The following ZKSCAN1 variants were observed in gnomAD, a reference collection of about 807,000 sequenced individuals.
ZKSCAN1 encodes the protein zinc finger with KRAB and SCAN domains 1, also known as zinc finger protein with KRAB and SCAN domains 1.
ZKSCAN1 carries 14 observed loss-of-function variants against 51.6 expected under a neutral mutation model. That is an observed-to-expected ratio of 0.27 (90% confidence interval 0.18 to 0.42). The LOEUF is 0.42. ZKSCAN1 is among the 10% of genes least tolerant of loss of function. The probability of loss-of-function intolerance (pLI) is 1.00; values close to 1 mark genes in which losing one functional copy is unlikely to be tolerated. For synonymous variants in ZKSCAN1, 263 were observed against 261.5 expected, an observed-to-expected ratio of 1.01 and a Z score of -0.06; for missense variants, 531 against 710.0, an observed-to-expected ratio of 0.75 and a Z score of 2.86.
Position 100,036,966 on chromosome 7 carries a change from GA to G in ZKSCAN1, c.*2770del. On this transcript the variant is annotated 3_prime_UTR_variant, in exon 6 of 6. Coordinates refer to ENST00000324306, the MANE Select transcript of ZKSCAN1 (RefSeq NM_003439.4). ...TTCCGTTTCATGGAGACATCTTCCT[GA>G]CTTTGTTGGATAGCTGCCACTAGGG... 3.0e-6 allele frequency: 3 copies of G among 985,228 alleles called. No homozygotes were observed. Among genetic ancestry groups the G allele is most frequent in the Non-Finnish European group, 3.6e-6 (3 of 829,912 alleles). The allele number at this position is 985,228 out of a possible 1,614,324, so 61.0% of individuals were successfully genotyped here.
chr7:100,041,614 G>A lies in ZKSCAN1; in HGVS notation c.*7417G>A. 1.0e-6 allele frequency: 1 copy of A among 985,274 alleles called. No homozygotes were observed. The highest frequency in any genetic ancestry group is 1.2e-6 in the Non-Finnish European group (1 of 829,898). The allele number at this position is 985,274 out of a possible 1,614,324, so 61.0% of individuals were successfully genotyped here. On this transcript the variant is annotated 3_prime_UTR_variant, in exon 6 of 6. Transcript: ENST00000324306. Reference sequence around the variant, plus strand: ...GTGAGGTTGAGGAAGGAAATTGTGGGGATTTGAAATATTCTCTTTATGTTG... The same window carrying A: ...GTGAGGTTGAGGAAGGAAATTGTGGAGATTTGAAATATTCTCTTTATGTTG...
intron 1 of ZKSCAN1, among the ~76,000 whole-genome samples, chr7:100,018,591 T>C (rs1790472813): frequency 6.6e-6 from 1 of 152,102 alleles, no homozygotes; most frequent in Non-Finnish European, 1.5e-5. Context: ...GGTTTCATCG[T>C]GTTACCAGGA....
Position 100,038,877 on chromosome 7 carries a change from C to T in ZKSCAN1, c.*4680C>T. ...GGGCGTGGTGGCGGGCGCCTGTAGT[C>T]CCAGCTACTCAGGAGGCTGAGGCAG... is the stretch of plus-strand genomic sequence containing the variant. On this transcript the variant is annotated 3_prime_UTR_variant, in exon 6 of 6. Coordinates refer to ENST00000324306, the MANE Select transcript of ZKSCAN1 (RefSeq NM_003439.4). 6.8e-6 allele frequency: 2 copies of T among 295,386 alleles called. No individual in the cohort carries two copies. The highest frequency in any genetic ancestry group is 1.0e-5 in the Non-Finnish European group (2 of 199,524). 18.3% of individuals were successfully genotyped at this position (295,386 alleles called of 1,614,324 possible).
rs1250859059 is a variant in ZKSCAN1, at chr7:100,037,946, C to T, written c.*3749C>T. The T allele has an allele frequency of 1.0e-5, 9 of 884,790 alleles. No homozygotes were observed. The highest frequency in any genetic ancestry group is 5.2e-5 in the South Asian group (1 of 19,206). The allele number at this position is 884,790 out of a possible 1,614,324, so 54.8% of individuals were successfully genotyped here. A position where few individuals can be genotyped will look rare whatever the true frequency, so the allele number is the denominator to read the frequency against. On this transcript the variant is annotated 3_prime_UTR_variant, in exon 6 of 6. Transcript: ENST00000324306. ...GAGGCAGGAGAATGGCTTGAACCTG[C>T]GAGGCGGAGGTTGCAGTGAGCTAAG...
chr7:100,020,950 A>G (rs1790561390), intron 1 of ZKSCAN1, among the ~76,000 whole-genome samples: 1 of 152,120 alleles, frequency 6.6e-6, no homozygotes, highest in African/African-American at 2.4e-5. Flanking sequence ...CCAACCTATC[A>G]ACCATGCTGA....
chr7:100,022,837 T>C (rs1423025622), intron 1 of ZKSCAN1, among the ~76,000 whole-genome samples: 1 of 152,206 alleles, frequency 6.6e-6, no homozygotes, highest in Non-Finnish European at 1.5e-5. Context: ...TTCAGCTCTC[T>C]GGGCTGGGCA....
At position 100,041,629 on chromosome 7, in the gene ZKSCAN1, T is replaced by A. The variant is rs1791598497; in HGVS notation, c.*7432T>A. On this transcript the variant is annotated 3_prime_UTR_variant, in exon 6 of 6. Coordinates refer to ENST00000324306, the MANE Select transcript of ZKSCAN1 (RefSeq NM_003439.4). ...GAAATTGTGGGGATTTGAAATATTC[T>A]CTTTATGTTGTTTCTCTTCTGAGTC... is the stretch of plus-strand genomic sequence containing the variant. 3 of 985,322 alleles carry A rather than the reference T, an allele frequency of 3.0e-6. No homozygotes were observed. Among genetic ancestry groups the A allele is most frequent in the South Asian group, 4.7e-5 (1 of 21,294 alleles). 61.0% of individuals were successfully genotyped at this position (985,322 alleles called of 1,614,324 possible).
intron 3 of ZKSCAN1, among the ~76,000 whole-genome samples, chr7:100,025,985 C>T (rs968470311): frequency 6.6e-6 from 1 of 152,012 alleles, no homozygotes. Flanking sequence ...CTTTAGGAGG[C>T]CAAGGCAGGC....
At chr7:100,019,624 T>A (rs1790516668) in intron 1 of ZKSCAN1, among the ~76,000 whole-genome samples, 1 of 152,210 alleles carries the variant, frequency 6.6e-6, no homozygotes, top group Non-Finnish European at 1.5e-5. Flanking sequence ...GGGAATCACT[T>A]TTATTTCAAA....
intron 5 of ZKSCAN1, among the ~76,000 whole-genome samples, chr7:100,032,370 T>G (rs190952028): frequency 6.6e-6 from 1 of 152,180 alleles, no homozygotes; most frequent in Non-Finnish European, 1.5e-5. Context: ...ATTTGTTGTC[T>G]TCCCTCTGCT....
chr7:100,045,119 C>A (rs889979625), downstream of ZKSCAN1, among the ~76,000 whole-genome samples: 1 of 152,090 alleles, frequency 6.6e-6, no homozygotes, highest in Non-Finnish European at 1.5e-5. Context: ...TTTTGTCAAG[C>A]CAATAATCTC....
In ZKSCAN1 at chr7:100,036,179, A is replaced by C. The variant is rs1791356103; in HGVS notation, c.*1982A>C. The C allele has an allele frequency of 2.0e-6, 2 of 985,250 alleles. No homozygotes were observed. The highest frequency in any genetic ancestry group is 1.7e-5 in the African/African-American group (1 of 57,218). The allele number at this position is 985,250 out of a possible 1,614,324, so 61.0% of individuals were successfully genotyped here. ...CTTGGCTTTATGACTTAAACCAACT[A>C]CAACTTCCCTATAGCTTCTAAGCAG... On this transcript the variant is annotated 3_prime_UTR_variant, in exon 6 of 6. Coordinates refer to ENST00000324306, the MANE Select transcript of ZKSCAN1 (RefSeq NM_003439.4).
rs1006411118 is a variant in ZKSCAN1 at position 100,034,896 on chromosome 7, C to G, written c.*699C>G. 3.9e-5 allele frequency: 6 copies of G among 152,668 alleles called. No individual in the cohort carries two copies. Among genetic ancestry groups the G allele is most frequent in the African/African-American group, 1.4e-4 (6 of 41,438 alleles). The allele number at this position is 152,668 out of a possible 1,614,324, so 9.5% of individuals were successfully genotyped here. A position where few individuals can be genotyped will look rare whatever the true frequency, so the allele number is the denominator to read the frequency against. On this transcript the variant is annotated 3_prime_UTR_variant, in exon 6 of 6. Coordinates refer to ENST00000324306, the MANE Select transcript of ZKSCAN1 (RefSeq NM_003439.4). ...GAGATCAGTTCTACTGAAATGGCAACAACAACTCCAAATACATCTCTCCCT... is the reference window on the plus strand; with the variant it reads ...GAGATCAGTTCTACTGAAATGGCAAGAACAACTCCAAATACATCTCTCCCT...
rs1203066055 is a variant in ZKSCAN1, at chr7:100,035,414, G to C, written c.*1217G>C. ...GAAGAAAAATATGAACACTGATGAA[G>C]GTCATTTTTTTTTTTTGACATCTTT... is the stretch of plus-strand genomic sequence containing the variant. On this transcript the variant is annotated 3_prime_UTR_variant, in exon 6 of 6. Coordinates refer to ENST00000324306, the MANE Select transcript of ZKSCAN1 (RefSeq NM_003439.4). The C allele has an allele frequency of 2.6e-5, 4 of 151,866 alleles. No homozygotes were observed. The highest frequency in any genetic ancestry group is 2.6e-4 in the Admixed American group (4 of 15,242). The allele number at this position is 151,866 out of a possible 1,614,324, so 9.4% of individuals were successfully genotyped here.
At chr7:100,029,678 G>A (rs927720225) in intron 3 of ZKSCAN1, among the ~76,000 whole-genome samples, 183 bp from the exon 4 acceptor site, 2 of 152,166 alleles carry the variant, frequency 1.3e-5, no homozygotes, top group African/African-American at 4.8e-5. Flanking sequence ...CTGCTCAAGA[G>A]TAGAGGTCTT....
chr7:100,017,881 CAGG>C (rs1790436888), intron 1 of ZKSCAN1, among the ~76,000 whole-genome samples: 1 of 152,190 alleles, frequency 6.6e-6, no homozygotes, highest in African/African-American at 2.4e-5. Context: ...TTCACTATTA[CAGG>C]AGTTGTCCCA....
At chr7:100,043,702 G>T (rs549396658), downstream of ZKSCAN1, among the ~76,000 whole-genome samples, 83 of 149,742 alleles carry the variant, frequency 5.5e-4, 1 homozygote, top group African/African-American at 2.0e-3. Flanking sequence ...CAAGAACCCT[G>T]CTAAGTTTAG....
chr7:100,037,831 C>T lies in ZKSCAN1; in HGVS notation c.*3634C>T. On this transcript the variant is annotated 3_prime_UTR_variant, in exon 6 of 6. Transcript: ENST00000324306. Reference sequence around the variant, plus strand: ...AGTAGTTCGAGACCAGCCTGGCCAACATGGTGAAACCTTGTCTCTACTAAA... The same window carrying T: ...AGTAGTTCGAGACCAGCCTGGCCAATATGGTGAAACCTTGTCTCTACTAAA... 1 of 720,848 alleles carries T rather than the reference C, an allele frequency of 1.4e-6. No homozygotes were observed. The highest frequency in any genetic ancestry group is 1.7e-6 in the Non-Finnish European group (1 of 588,902). 44.7% of individuals were successfully genotyped at this position (720,848 alleles called of 1,614,324 possible). A position where few individuals can be genotyped will look rare whatever the true frequency, so the allele number is the denominator to read the frequency against.
chr7:100,043,559 A>C (rs1169529652), downstream of ZKSCAN1, among the ~76,000 whole-genome samples: 1 of 147,460 alleles, frequency 6.8e-6, no homozygotes, highest in Non-Finnish European at 1.5e-5. Context: ...TTTTTTGCAG[A>C]GACAGGGTCT....
Sources: gnomAD v4.1 joint callset for allele counts (sites outside exome capture counted in the v4.1 genomes callset) on GRCh38, gnomAD v4.1.1 for gene constraint, MANE v1.5 for transcripts, NCBI Gene and HGNC (gene_info 2026-07-23, HGNC 2026-07-21) for gene names.